The following CHAF1A variants were observed in gnomAD, a reference collection of about 807,000 sequenced individuals.
CHAF1A encodes the protein CAF-1 subunit A.
CHAF1A carries 5 observed loss-of-function variants against 93.2 expected under a neutral mutation model. That is an observed-to-expected ratio of 0.05 (90% CI 0.03 to 0.11). CHAF1A has a LOEUF of 0.11. Ranked by LOEUF, CHAF1A falls within the 10% of genes least tolerant of loss-of-function variation. The probability of loss-of-function intolerance (pLI) is 1.00; values close to 1 mark genes in which losing one functional copy is unlikely to be tolerated. For missense variants in CHAF1A, 1,102 were observed against 1,259.9 expected (o/e 0.87, Z 1.90); for synonymous variants, 504 against 510.3 (o/e 0.99, Z 0.17).
At chr19:4,446,772 C>T (rs956869511), downstream of CHAF1A, 36 of 1,612,262 alleles carry the variant, frequency 2.2e-5, no homozygotes, top group African/African-American at 6.7e-5. Context: ...ACCCCCAAGC[C>T]GGGCCCTCCT....
At chr19:4,411,258 C>T (rs781210601) in intron 3 of CHAF1A, among the ~76,000 whole-genome samples, 1 of 152,072 alleles carries the variant, frequency 6.6e-6, no homozygotes, top group African/African-American at 2.4e-5. Context: ...GAGACAGAGT[C>T]TTGCTCTGTC....
intron 4 of CHAF1A, among the ~76,000 whole-genome samples, chr19:4,418,490 A>G (rs1369556285): frequency 7.2e-6 from 1 of 139,832 alleles, no homozygotes; most frequent in Non-Finnish European, 1.5e-5. Flanking sequence ...ATCTCGGCTC[A>G]CTGCAAGCTC....
chr19:4,448,149 C>T (rs1000317189), downstream of CHAF1A: 14 of 633,862 alleles, frequency 2.2e-5, no homozygotes, highest in African/African-American at 2.2e-4. Flanking sequence ...CAAGGAGGCC[C>T]AGCCCTTTGC....
chr19:4,443,710 T>C (rs1398155406), downstream of CHAF1A, among the ~76,000 whole-genome samples: 1 of 152,186 alleles, frequency 6.6e-6, no homozygotes, highest in Non-Finnish European at 1.5e-5. Context: ...GCTTCGAGTC[T>C]GAGGCTTTGT....
In CHAF1A at chr19:4,433,019, G is replaced by T. The variant is rs1974215280; in HGVS notation, c.2204-51G>T. On this transcript the variant is annotated intron_variant, in intron 12 of 14. Coordinates refer to ENST00000301280, the MANE Select transcript of CHAF1A (RefSeq NM_005483.3). This position sits in a 1 kb window ranked among gnomAD's most constrained non-coding sequence, Gnocchi z 5.6. ...TATGTGTTTTGTTTTTTGGCCTGTG[G>T]TGATGGGTGGCTCCCCAAGCCTCAT... 1 of 1,416,816 alleles carries T rather than the reference G, an allele frequency of 7.1e-7. No homozygotes were observed. The highest frequency in any genetic ancestry group is 9.5e-7 in the Non-Finnish European group (1 of 1,051,264). The allele number at this position is 1,416,816 out of a possible 1,614,324, so 87.8% of individuals were successfully genotyped here. A position where few individuals can be genotyped will look rare whatever the true frequency, so the allele number is the denominator to read the frequency against.
At chr19:4,409,918 C>A (rs1973762127) in intron 3 of CHAF1A, among the ~76,000 whole-genome samples, 159 bp downstream of exon 3, 1 of 152,210 alleles carries the variant, frequency 6.6e-6, no homozygotes, top group Non-Finnish European at 1.5e-5. Flanking sequence ...TCAAAACTCA[C>A]AGTGTTCAGT....
intron 4 of CHAF1A, 30 bp downstream of exon 4, chr19:4,418,106 A>C: frequency 6.7e-7 from 1 of 1,493,960 alleles, no homozygotes; most frequent in African/African-American, 1.4e-5. Flanking sequence ...ATAGAAAATT[A>C]ACCTGCTGTG....
At chr19:4,443,601 C>T (rs1297185100), downstream of CHAF1A, among the ~76,000 whole-genome samples, 1 of 152,164 alleles carries the variant, frequency 6.6e-6, no homozygotes, top group Non-Finnish European at 1.5e-5. Flanking sequence ...TTCTGTCCGG[C>T]GATCCCTCCT....
At chr19:4,435,851 GT>G (rs1974273999) in intron 13 of CHAF1A, among the ~76,000 whole-genome samples, 1 of 152,254 alleles carries the variant, frequency 6.6e-6, no homozygotes, top group South Asian at 2.1e-4. Flanking sequence ...GTTAAAGGTG[GT>G]CGTTGGCTGG....
chr19:4,429,096 A>C, intron 8 of CHAF1A: 1 of 597,084 alleles, frequency 1.7e-6, no homozygotes, highest in South Asian at 2.1e-5. Flanking sequence ...CTGTCTTCCC[A>C]GCTCCTCGTG....
downstream of CHAF1A, chr19:4,446,586 C>A (rs769037800): frequency 5.0e-6 from 8 of 1,612,662 alleles, no homozygotes; most frequent in Admixed American, 1.7e-5. Flanking sequence ...GGGGCGAGGG[C>A]TGGAAGACGC....
At chr19:4,416,655 C>CT (rs780450923) in intron 3 of CHAF1A, among the ~76,000 whole-genome samples, 1 of 41,370 alleles carries the variant, frequency 2.4e-5, no homozygotes, top group Non-Finnish European at 5.3e-5. Flanking sequence ...CTTTGGGAGG[C>CT]GAGGCGGGTG....
At chr19:4,424,496 C>T (rs1033587295) in intron 7 of CHAF1A, among the ~76,000 whole-genome samples, 4 of 152,210 alleles carry the variant, frequency 2.6e-5, no homozygotes, top group African/African-American at 9.7e-5. Context: ...GGCAGGGTCT[C>T]ACTGTCACCC....
chr19:4,445,985 T>A (rs768962882), downstream of CHAF1A: 3 of 1,537,472 alleles, frequency 2.0e-6, no homozygotes, highest in South Asian at 3.8e-5. Context: ...GGGGTGTCTG[T>A]GCCGGTCCCA....
chr19:4,442,430 T>C, intron 14 of CHAF1A, 89 bp downstream of exon 14: 1 of 1,084,704 alleles, frequency 9.2e-7, no homozygotes, highest in Non-Finnish European at 1.4e-6. Context: ...TGCCTAAGAC[T>C]AGCTCCACTG....
chr19:4,423,784 T>A (rs780062556), intron 6 of CHAF1A, 22 bp from the exon 7 acceptor site: 29 of 1,612,314 alleles, frequency 1.8e-5, no homozygotes, highest in Admixed American at 1.7e-5. Flanking sequence ...CTCTTTCTCA[T>A]CACCATCTCT....
At chr19:4,445,146 G>A (rs898236237), downstream of CHAF1A, 29 of 260,784 alleles carry the variant, frequency 1.1e-4, no homozygotes, top group African/African-American at 4.7e-4. Context: ...TGCCACCCAC[G>A]GCACACGGGA....
chr19:4,443,002 G>T lies in CHAF1A; in HGVS notation c.2848G>T (p.Ala950Ser), dbSNP rs243383. ...GGACACCGGCAAGGCCACCCTGACC[G>T]CGAGCCCACTGGGTGCATCCTGAGA... is the stretch of plus-strand genomic sequence containing the variant. The part of the protein sequence containing the change: ...GVDTGKATLT[A>S]SPLGAS Residue 950 changes from alanine (A) to serine (S), a missense_variant, in exon 15 of 15, where the codon GCG (alanine) becomes TCG (serine). Coordinates refer to ENST00000301280, the MANE Select transcript of CHAF1A (RefSeq NM_005483.3). The T allele has an allele frequency of 0.018, 29,525 of 1,596,458 alleles. 355 individuals are homozygous for T. The highest frequency in any genetic ancestry group is 0.036 in the South Asian group (3,140 of 87,610).
chr19:4,403,678 T>A (rs1221442513), intron 1 of CHAF1A, among the ~76,000 whole-genome samples: 1 of 152,244 alleles, frequency 6.6e-6, no homozygotes, highest in East Asian at 1.9e-4. Context: ...CCTCTCACCA[T>A]GCCTTAGTAA....
Sources: allele counts gnomAD v4.1 joint callset (sites outside exome capture counted in the v4.1 genomes callset), GRCh38; gene constraint gnomAD v4.1.1; non-coding constraint Gnocchi (gnomAD v3.1); transcripts MANE v1.5; gene names NCBI Gene and HGNC (gene_info 2026-07-23, HGNC 2026-07-21).